Variants in PDLIM5 observed in about 807,000 individuals in gnomAD.
PDLIM5 encodes the protein PDZ and LIM domain protein 5.
PDLIM5 carries 34 observed loss-of-function variants against 64.2 expected under a neutral mutation model. The observed-to-expected ratio is 0.53, with a 90% CI of 0.40 to 0.71. PDLIM5 has a LOEUF of 0.71. PDLIM5 is among the 30% of genes least tolerant of loss of function. The pLI, the probability that PDLIM5 is intolerant of heterozygous loss-of-function variation, is 0.00. For missense variants in PDLIM5, 683 were observed against 733.6 expected (o/e 0.93, Z 0.80); for synonymous variants, 253 against 269.1 (o/e 0.94, Z 0.59).
chr4:94,478,641 AC>A (rs1725547185), intron 2 of PDLIM5, among the ~76,000 whole-genome samples: 1 of 152,132 alleles, frequency 6.6e-6, no homozygotes, highest in African/African-American at 2.4e-5. Flanking sequence ...TACTTTTGAT[AC>A]CAAGTTAGGC....
intron 3 of PDLIM5, among the ~76,000 whole-genome samples, chr4:94,556,904 G>T (rs1733384476): frequency 6.6e-6 from 1 of 152,178 alleles, no homozygotes; most frequent in Non-Finnish European, 1.5e-5. Flanking sequence ...GAGCTCTTTA[G>T]TTTAATTAGA....
intron 3 of PDLIM5, among the ~76,000 whole-genome samples, chr4:94,550,746 T>C (rs888834906): frequency 1.3e-5 from 2 of 152,170 alleles, no homozygotes; most frequent in African/African-American, 4.8e-5. Context: ...AAGGGAATAG[T>C]TCTGATGTCT....
intron 7 of PDLIM5, chr4:94,611,048 C>A: frequency 6.6e-7 from 1 of 1,523,644 alleles, no homozygotes; most frequent in Non-Finnish European, 8.8e-7. Context: ...TGACTTAAAA[C>A]TCTTTCTAAA....
intron 3 of PDLIM5, among the ~76,000 whole-genome samples, chr4:94,545,908 T>C (rs1732271973): frequency 6.6e-6 from 1 of 152,210 alleles, no homozygotes; most frequent in Non-Finnish European, 1.5e-5. Context: ...TGAGCAGCCT[T>C]CAAAAGTATA....
At chr4:94,626,442 T>C (rs970070037) in intron 8 of PDLIM5, among the ~76,000 whole-genome samples, 1 of 152,206 alleles carries the variant, frequency 6.6e-6, no homozygotes, top group Admixed American at 6.5e-5. Flanking sequence ...TGAACCCAGC[T>C]GTTTTGACTC....
At chr4:94,608,156 A>G in intron 7 of PDLIM5, 2 of 1,530,866 alleles carry the variant, frequency 1.3e-6, no homozygotes, top group Non-Finnish European at 1.8e-6. Context: ...CACACTTTCT[A>G]AAGTAGCAAC....
intron 1 of PDLIM5, among the ~76,000 whole-genome samples, chr4:94,452,560 A>G (rs1722954281): frequency 6.6e-6 from 1 of 152,278 alleles, no homozygotes; most frequent in Admixed American, 6.5e-5. Context: ...CTGCGCGTCC[A>G]GAAATAAAGC....
chr4:94,537,799 A>G (rs1030245544), intron 3 of PDLIM5, among the ~76,000 whole-genome samples: 2 of 152,212 alleles, frequency 1.3e-5, no homozygotes, highest in Admixed American at 6.5e-5. Flanking sequence ...TTGTAAGTAA[A>G]TAAGCCAGAG....
At chr4:94,578,224 G>C (rs1272304050) in intron 5 of PDLIM5, among the ~76,000 whole-genome samples, 1 of 152,090 alleles carries the variant, frequency 6.6e-6, no homozygotes, top group African/African-American at 2.4e-5. Flanking sequence ...CTTAAGTTTT[G>C]TGTTTTATAA....
At chr4:94,612,419 T>C (rs561221036) in intron 7 of PDLIM5, among the ~76,000 whole-genome samples, 31 of 152,282 alleles carry the variant, frequency 2.0e-4, no homozygotes, top group African/African-American at 7.2e-4. Context: ...AGGGCTGAGA[T>C]TGTACAGAGG....
chr4:94,577,100 A>G (rs1735334919), intron 5 of PDLIM5: 2 of 430,758 alleles, frequency 4.6e-6, no homozygotes, highest in East Asian at 1.4e-4. Context: ...TGATACTTTA[A>G]GGCAGTCATT....
At chr4:94,604,987 A>T (rs1461051211) in intron 7 of PDLIM5, among the ~76,000 whole-genome samples, 1 of 152,200 alleles carries the variant, frequency 6.6e-6, no homozygotes, top group Non-Finnish European at 1.5e-5. Context: ...AGATGGCTGA[A>T]GACTGACAGT....
chr4:94,503,939 T>C (rs1010959590), intron 2 of PDLIM5, among the ~76,000 whole-genome samples: 2 of 152,206 alleles, frequency 1.3e-5, no homozygotes, highest in Non-Finnish European at 2.9e-5. Flanking sequence ...ATCTTTTTAT[T>C]CCCATTTGGA....
At chr4:94,638,321 G>A (rs59243829) in intron 8 of PDLIM5, among the ~76,000 whole-genome samples, 4,132 of 152,228 alleles carry the variant, frequency 0.027, 216 homozygotes, top group African/African-American at 0.093. Flanking sequence ...AGAGAAAAGT[G>A]TGGGTCTAAG....
intron 2 of PDLIM5, among the ~76,000 whole-genome samples, chr4:94,484,746 T>C (rs1419744257): frequency 6.6e-6 from 1 of 152,218 alleles, no homozygotes; most frequent in Admixed American, 6.5e-5. Flanking sequence ...GACCTAGTGC[T>C]ATTTACTGCC....
At chr4:94,530,090 G>A (rs1216678746) in intron 3 of PDLIM5, among the ~76,000 whole-genome samples, 1 of 152,170 alleles carries the variant, frequency 6.6e-6, no homozygotes, top group East Asian at 1.9e-4. Context: ...GTAGGACATA[G>A]ATAAACTTGT....
intron 3 of PDLIM5, among the ~76,000 whole-genome samples, chr4:94,538,730 T>C (rs1479983427): frequency 6.6e-6 from 1 of 152,200 alleles, no homozygotes; most frequent in Non-Finnish European, 1.5e-5. Context: ...TTTCTTATAC[T>C]TTCTTTAAGT....
intron 5 of PDLIM5, chr4:94,585,063 G>A (rs2172448): frequency 0.5 from 409,746 of 825,400 alleles, 105,665 homozygotes; most frequent in African/African-American, 0.61. Flanking sequence ...TATAAGTGCA[G>A]TTTTTTACTT....
At chr4:94,560,228 A>G (rs1487814325) in intron 3 of PDLIM5, among the ~76,000 whole-genome samples, 1 of 152,196 alleles carries the variant, frequency 6.6e-6, no homozygotes, top group East Asian at 1.9e-4. Flanking sequence ...TTGAACATGT[A>G]ACTGCTTTCT....
Sources: allele counts gnomAD v4.1 joint callset (sites outside exome capture counted in the v4.1 genomes callset), GRCh38; gene constraint gnomAD v4.1.1; transcripts MANE v1.5; gene names NCBI Gene and HGNC (gene_info 2026-07-23, HGNC 2026-07-21).